ARHGAP33: variants seen among roughly 807,000 people sequenced by gnomAD.
ARHGAP33 encodes Rho GTPase activating protein 33.
A neutral mutation model predicts 126.2 loss-of-function variants in ARHGAP33; 57 were observed. The ratio of observed to expected loss-of-function variants is 0.45; its 90% CI spans 0.36 to 0.56. The LOEUF is 0.56. Ranked by LOEUF, ARHGAP33 falls within the 20% of genes least tolerant of loss-of-function variation. ARHGAP33 has a pLI of 0.00. For synonymous variants in ARHGAP33, 711 were observed against 755.0 expected (o/e 0.94, Z 0.95); for missense variants, 1,500 against 1,748.3 (o/e 0.86, Z 2.53).
chr19:35,788,401 C>G lies in ARHGAP33; in HGVS notation c.3836C>G (p.Ser1279Cys), dbSNP rs1424051176. ...PYPTPSWSLH[S>C]EGQTRSYC ...CCCACTCCCAGCTGGTCCCTCCACT[C>G]TGAGGGCCAGACCCGAAGCTACTGC... The change falls in exon 21 of 21, where the codon TCT (serine) becomes TGT (cysteine). Residue 1279 changes from serine (S) to cysteine (C), a missense_variant. By Grantham distance (112) the Ser-to-Cys change is moderately radical (BLOSUM62 -1). Transcript: ENST00000007510. 1.3e-6 allele frequency: 2 copies of G among 1,580,122 alleles called. No individual in the cohort carries two copies. Among genetic ancestry groups the G allele is most frequent in the Non-Finnish European group, 1.7e-6 (2 of 1,163,480 alleles).
chr19:35,787,810 GA>G lies in ARHGAP33; in HGVS notation c.3246del (p.Glu1083ArgfsTer90), dbSNP rs1224047179. On this transcript the variant is annotated frameshift_variant, in exon 21 of 21. Coordinates refer to ENST00000007510, the MANE Select transcript of ARHGAP33 (RefSeq NM_001366178.1). LOFTEE classifies it high-confidence loss of function. ...GGCCCCCCTGCACCACTCGACAGGGGAGAGAACCTGTACTATGAGATCGGGG... is the reference window on the plus strand; with the variant it reads ...GGCCCCCCTGCACCACTCGACAGGGGGAGAACCTGTACTATGAGATCGGGG... Reference protein sequence around the residue: ...SLGPPAPLDRGENLYYEIGAS... With the variant: ...SLGPPAPLDRXENLYYEIGAS... The G allele has an allele frequency of 6.2e-7, 1 of 1,601,260 alleles. No homozygotes were observed. The highest frequency in any genetic ancestry group is 8.5e-7 in the Non-Finnish European group (1 of 1,175,422).
Position 35,784,974 on chromosome 19 carries a change from C to A in ARHGAP33, c.1589C>A (p.Pro530His). Residue 530 changes from proline (P) to histidine (H), a missense_variant, in exon 17 of 21, where the codon CCC becomes CAC. Physicochemically the swap from Pro to His is moderately conservative, Grantham distance 77 (BLOSUM62 -2). Transcript: ENST00000007510. ...DPAGRCLLPR[P>H]KSLAGSCPST... The stretch of plus-strand genomic sequence containing the variant: ...CCAGGCCGCTGCCTGCTCCCCAGGC[C>A]CAAGTCCCTTGCGGGCAGCTGCCCC... 6.5e-7 allele frequency: 1 copy of A among 1,544,208 alleles called. No homozygotes were observed. The highest frequency in any genetic ancestry group is 8.7e-7 in the Non-Finnish European group (1 of 1,146,634).
chr19:35,777,539 G>T (rs918937594), intron 1 of ARHGAP33, 106 bp from the exon 2 acceptor site: 3 of 854,758 alleles, frequency 3.5e-6, no homozygotes, highest in Non-Finnish European at 3.8e-6. Context: ...TGCTCAGGGC[G>T]GTGTGTGGAG....
chr19:35,788,367 C>G lies in ARHGAP33; in HGVS notation c.3802C>G (p.Pro1268Ala), dbSNP rs1229146440. ...GQRGEGAGPP[P>A]PYPTPSWSLH... ...AAGAGGGGAGGGGGCTGGTCCCCCA[C>G]CCCCTTACCCCACTCCCAGCTGGTC... is the stretch of plus-strand genomic sequence containing the variant. Residue 1268 changes from proline (P) to alanine (A), a missense_variant, in exon 21 of 21, where the codon CCC becomes GCC. Pro to Ala is a conservative substitution (Grantham distance 27). This residue lies in a region of ARHGAP33 where 642 missense variants were observed against 634.0 expected (regional missense o/e 1.01). Coordinates refer to ENST00000007510, the MANE Select transcript of ARHGAP33 (RefSeq NM_001366178.1). The G allele has an allele frequency of 6.3e-7, 1 of 1,595,118 alleles. No individual in the cohort carries two copies. The highest frequency in any genetic ancestry group is 8.5e-7 in the Non-Finnish European group (1 of 1,171,628).
At chr19:35,783,893 G>A (rs1971941424) in intron 15 of ARHGAP33, among the ~76,000 whole-genome samples, 1 of 144,786 alleles carries the variant, frequency 6.9e-6, no homozygotes, top group Non-Finnish European at 1.5e-5. Context: ...CAGATGGGGG[G>A]CAGTGGAGGG....
Position 35,781,084 on chromosome 19 carries a change from GC to G in ARHGAP33, c.982+15del. The G allele has an allele frequency of 6.2e-7, 1 of 1,607,620 alleles. No individual in the cohort carries two copies. Among genetic ancestry groups the G allele is most frequent in the Non-Finnish European group, 8.5e-7 (1 of 1,176,540 alleles). ...CTCAGGCCAGGATGGTGAGGCCGGG[GC>G]CCACCCACCCCACCCGTCACACCAG... On this transcript the variant is annotated intron_variant, in intron 11 of 20. Transcript: ENST00000007510.
Position 35,787,230 on chromosome 19 carries a change from C to T in ARHGAP33, c.2665C>T (p.Pro889Ser), listed in dbSNP as rs1314014584. ...PLSLLRPGGA[P>S]PPPPKNPARL... is the part of the protein sequence containing the mutation. ...GTCTCTCCTGCGCCCTGGGGGTGCC[C>T]CACCCCCGCCCCCTAAGAACCCAGC... is the stretch of plus-strand genomic sequence containing the variant. Residue 889 changes from proline to serine, a missense_variant, in exon 21 of 21, where the codon CCA (proline) becomes TCA (serine). Pro to Ser is a moderately conservative substitution (Grantham distance 74). Coordinates refer to ENST00000007510, the MANE Select transcript of ARHGAP33 (RefSeq NM_001366178.1). The T allele has an allele frequency of 6.2e-7, 1 of 1,603,844 alleles. No individual in the cohort carries two copies. Among genetic ancestry groups the T allele is most frequent in the East Asian group, 2.2e-5 (1 of 44,816 alleles).
Position 35,782,433 on chromosome 19 carries a change from C to T in ARHGAP33, c.1146C>T (p.Ile382=), listed in dbSNP as rs1971845064. The change falls in exon 13 of 21, where the codon ATC becomes ATT. Residue 382 remains isoleucine, a synonymous_variant. Transcript: ENST00000007510. The surrounding 1 kb of genome is among the most constrained non-coding windows in gnomAD (Gnocchi z 4.1). ...ELSGPAFLQD[I]HSVSSLCKLY... is the part of the protein sequence containing the mutation. Reference sequence around the variant, plus strand: ...CTGGCCCTGCATTCCTGCAGGACATCCACAGCGTGTCCTCCCTCTGCAAGC... The same window carrying T: ...CTGGCCCTGCATTCCTGCAGGACATTCACAGCGTGTCCTCCCTCTGCAAGC... 1.2e-6 allele frequency: 2 copies of T among 1,613,338 alleles called. No individual in the cohort carries two copies. Among genetic ancestry groups the T allele is most frequent in the South Asian group, 2.2e-5 (2 of 91,070 alleles).
In ARHGAP33 at chr19:35,780,269, C is replaced by T. The variant is rs763436194; in HGVS notation, c.560C>T (p.Ala187Val). The T allele has an allele frequency of 6.2e-7, 1 of 1,613,890 alleles. No individual in the cohort carries two copies. The highest frequency in any genetic ancestry group is 1.1e-5 in the South Asian group (1 of 91,082). ...LSEEASLNIPAVAAAHVIKRY... is the reference protein window; with the variant it reads ...LSEEASLNIPVVAAAHVIKRY... ...GAGGAGGCGTCACTCAATATCCCTG[C>T]AGTGGCGGCCGCCCATGTGATCAAA... Residue 187 changes from alanine to valine, a missense_variant, in exon 7 of 21, where the codon GCA (alanine) becomes GTA (valine). Around this residue, in one of 6 missense-constraint regions of ARHGAP33, gnomAD observed 75 missense variants for 152.7 expected, o/e 0.49. Transcript: ENST00000007510.
rs369910172 is a variant in ARHGAP33, at chr19:35,781,904, TGA to T, written c.1086-465_1086-464del. 4.6e-5 allele frequency among the ~76,000 whole-genome samples: 7 copies of T among 150,538 alleles called. No homozygotes were observed. The South Asian group carries it at 6.4e-4, about 14-fold the overall frequency. ...GGCGAGATCTCGGCCTGCAGGAGGC[TGA>T]GAGGGGAGTGCTTGAAGCCTGCAGG... On this transcript the variant is annotated intron_variant, in intron 12 of 20. Coordinates refer to ENST00000007510, the MANE Select transcript of ARHGAP33 (RefSeq NM_001366178.1).
rs529504031 is a variant in ARHGAP33 at position 35,785,374 on chromosome 19, G to A, written c.1868-35G>A. ...CATGGGCTGGTGGGCAGCGATGGTC[G>A]CTGGAGTGCCCTCCTACCTCTCCCT... On this transcript the variant is annotated intron_variant, in intron 18 of 20. Transcript: ENST00000007510. 44 of 1,614,086 alleles carry A rather than the reference G, an allele frequency of 2.7e-5. No homozygotes were observed. The African/African-American group carries it at 4.5e-4, about 17-fold the overall frequency.
At position 35,780,966 on chromosome 19, in the gene ARHGAP33, C is replaced by T; in HGVS notation, c.876C>T (p.Phe292=). 6.2e-7 allele frequency: 1 copy of T among 1,610,336 alleles called. No homozygotes were observed. The highest frequency in any genetic ancestry group is 1.7e-4 in the Middle Eastern group (1 of 6,060). The change falls in exon 11 of 21, where the codon TTC becomes TTT. Residue 292 remains phenylalanine, a synonymous_variant. Coordinates refer to ENST00000007510, the MANE Select transcript of ARHGAP33 (RefSeq NM_001366178.1). ...RGKLAGLLRT[F]MRSRPSRQRL... ...AGCTGGCCGGCCTGCTCCGCACCTTCATGCGCTCCCGCCCTTCTCGGCAGC... is the reference window on the plus strand; with the variant it reads ...AGCTGGCCGGCCTGCTCCGCACCTTTATGCGCTCCCGCCCTTCTCGGCAGC...
rs759982309 is a variant in ARHGAP33 at position 35,787,615 on chromosome 19, C to T, written c.3050C>T (p.Ala1017Val). The T allele has an allele frequency of 1.2e-6, 2 of 1,603,492 alleles. No individual in the cohort carries two copies. The highest frequency in any genetic ancestry group is 1.7e-6 in the Non-Finnish European group (2 of 1,176,896). Residue 1017 changes from alanine (A) to valine (V), a missense_variant, in exon 21 of 21, where the codon GCC (alanine) becomes GTC (valine). By Grantham distance (64) the Ala-to-Val change is moderately conservative. This residue lies in a region of ARHGAP33 where 642 missense variants were observed against 634.0 expected (regional missense o/e 1.01). Coordinates refer to ENST00000007510, the MANE Select transcript of ARHGAP33 (RefSeq NM_001366178.1). ...GGGRDAPEAA[A>V]QSPCSVPSQV... is the part of the protein sequence containing the mutation. ...GGCAGGGATGCGCCAGAGGCAGCAG[C>T]CCAGTCCCCATGTTCTGTCCCCTCA... is the stretch of plus-strand genomic sequence containing the variant.
chr19:35,780,098 CA>C, intron 6 of ARHGAP33, 112 bp from the exon 7 acceptor site: 3 of 1,420,242 alleles, frequency 2.1e-6, no homozygotes, highest in Non-Finnish European at 2.9e-6. Context: ...CTCTGAGTGA[CA>C]GGGGCTCTTG....
rs1972104341 is a variant in ARHGAP33 at position 35,786,249 on chromosome 19, G to A, written c.1943-164G>A. 4.9e-6 allele frequency: 7 copies of A among 1,426,404 alleles called. No homozygotes were observed. The South Asian group carries it at 1.1e-4, about 22-fold the overall frequency. 88.4% of individuals were successfully genotyped at this position (1,426,404 alleles called of 1,614,324 possible). ...CACAGGGCCTTCGTGCTTTGGGCCGGAAGTGTCCTCTTCATGGTCTCCACT... is the reference window on the plus strand; with the variant it reads ...CACAGGGCCTTCGTGCTTTGGGCCGAAAGTGTCCTCTTCATGGTCTCCACT... On this transcript the variant is annotated intron_variant, in intron 19 of 20. Transcript: ENST00000007510. The surrounding 1 kb of genome is among the most constrained non-coding windows in gnomAD (Gnocchi z 7.0).
At chr19:35,777,791 G>T in intron 2 of ARHGAP33, 33 bp from the exon 3 acceptor site, 1 of 1,614,010 alleles carries the variant, frequency 6.2e-7, no homozygotes, top group South Asian at 1.1e-5. Flanking sequence ...GGAGACTCAA[G>T]GAGCTGCTGG....
intron 12 of ARHGAP33, among the ~76,000 whole-genome samples, chr19:35,781,889 C>T (rs972035588): frequency 4.0e-5 from 6 of 151,570 alleles, no homozygotes; most frequent in South Asian, 2.1e-4. Flanking sequence ...GGCGAGATCT[C>T]GGCCTGCAGG....
chr19:35,788,641 G>T lies in ARHGAP33; in HGVS notation c.*212G>T. On this transcript the variant is annotated 3_prime_UTR_variant, in exon 21 of 21. Transcript: ENST00000007510. ...CCATCCCCCCACCACCCTCCATCCT[G>T]GGGGCCCTCGCACAAATCTGGGGTG... The T allele has an allele frequency of 1.9e-6, 1 of 515,012 alleles. No individual in the cohort carries two copies. The highest frequency in any genetic ancestry group is 3.4e-6 in the Non-Finnish European group (1 of 298,100). 31.9% of individuals were successfully genotyped at this position (515,012 alleles called of 1,614,324 possible).
intron 3 of ARHGAP33, 38 bp from the exon 4 acceptor site, chr19:35,778,242 G>C: frequency 1.9e-6 from 3 of 1,610,966 alleles, no homozygotes; most frequent in Non-Finnish European, 2.5e-6. Context: ...GTCAGGACTG[G>C]GACAAAAGTC....
Sources: allele counts gnomAD v4.1 joint callset (sites outside exome capture counted in the v4.1 genomes callset), GRCh38; gene constraint gnomAD v4.1.1; regional missense constraint gnomAD v4.1.1; non-coding constraint Gnocchi (gnomAD v3.1); transcripts MANE v1.5; gene names NCBI Gene and HGNC (gene_info 2026-07-23, HGNC 2026-07-21).